The following LARGE1 variants were observed in gnomAD, a reference collection of about 807,000 sequenced individuals.
LARGE1 encodes the protein LARGE xylosyl- and glucuronyltransferase 1.
A neutral mutation model predicts 87.6 loss-of-function variants in LARGE1; 43 were observed. The ratio of observed to expected loss-of-function variants is 0.49; its 90% CI spans 0.38 to 0.63. The LOEUF (loss-of-function observed/expected upper bound fraction) is 0.63, where lower values mean the gene tolerates loss of function less well. LARGE1 is among the 30% of genes least tolerant of loss of function. LARGE1 has a pLI of 0.00. For missense variants in LARGE1, 802 were observed against 1,000.2 expected (o/e 0.80, Z 2.67); for synonymous variants, 434 against 394.6 (o/e 1.10, Z -1.18).
rs987732719 is a variant in LARGE1, at chr22:33,626,252, C to T, written c.483G>A (p.Leu161=). Residue 161 remains leucine, a synonymous_variant, in exon 4 of 15, where the codon CTG becomes CTA. Coordinates refer to ENST00000397394, the MANE Select transcript of LARGE1 (RefSeq NM_133642.5). The part of the protein sequence containing the change: ...RDVVTLVKSV[L]FHRRNPLHFH... ...ACAGAAGTTGTTCTTACCTATGGAA[C>T]AGGACGGATTTGACCAGGGTGACGA... 1.2e-6 allele frequency: 2 copies of T among 1,613,952 alleles called. No homozygotes were observed. Among genetic ancestry groups the T allele is most frequent in the Admixed American group, 1.7e-5 (1 of 60,022 alleles).
At chr22:33,755,003 T>C (rs1343940456) in intron 2 of LARGE1, among the ~76,000 whole-genome samples, 1 of 152,176 alleles carries the variant, frequency 6.6e-6, no homozygotes, top group African/African-American at 2.4e-5. Flanking sequence ...ATCCCGCCTA[T>C]TCCACCACAC....
At chr22:33,831,360 C>T (rs1014831079) in intron 1 of LARGE1, among the ~76,000 whole-genome samples, 1 of 152,130 alleles carries the variant, frequency 6.6e-6, no homozygotes, top group African/African-American at 2.4e-5. Context: ...CATACATGCA[C>T]CCCCCCTCTG....
chr22:33,614,909 G>A (rs2079540023), intron 4 of LARGE1, among the ~76,000 whole-genome samples: 1 of 152,136 alleles, frequency 6.6e-6, no homozygotes, highest in South Asian at 2.1e-4. Context: ...GCAGTTCCAG[G>A]GTTGAGCATG....
intron 2 of LARGE1, among the ~76,000 whole-genome samples, chr22:33,683,336 T>C (rs943240790): frequency 1.1e-4 from 16 of 152,230 alleles, no homozygotes; most frequent in African/African-American, 3.6e-4. Context: ...GACACTGGTC[T>C]TTTCTTGCCT....
chr22:33,087,239 G>T, the LARGE1 span, among the ~76,000 whole-genome samples: 1 of 151,536 alleles, frequency 6.6e-6, no homozygotes. Context: ...GAAAAAATTT[G>T]TCCATATTTA....
intron 2 of LARGE1, among the ~76,000 whole-genome samples, chr22:33,691,632 G>A (rs1371297066): frequency 6.6e-6 from 1 of 152,164 alleles, no homozygotes; most frequent in Non-Finnish European, 1.5e-5. Flanking sequence ...AATCTGCTAA[G>A]CCCCATTAAT....
chr22:33,614,197 T>C (rs2149025215), intron 4 of LARGE1, among the ~76,000 whole-genome samples: 1 of 152,324 alleles, frequency 6.6e-6, no homozygotes, highest in East Asian at 1.9e-4. Context: ...CAATAGCTCC[T>C]ACCTTACAGT....
chr22:33,130,313 CAAA>C, the LARGE1 span, among the ~76,000 whole-genome samples: 12 of 57,004 alleles, frequency 2.1e-4, no homozygotes, highest in African/African-American at 6.0e-4. Flanking sequence ...GATTCCGTCT[CAAA>C]AAAAAAAAAA....
chr22:33,656,082 TGTAC>T (rs1033514037), intron 2 of LARGE1, among the ~76,000 whole-genome samples: 1 of 151,926 alleles, frequency 6.6e-6, no homozygotes, highest in African/African-American at 2.4e-5. Flanking sequence ...TGTGTGTGTG[TGTAC>T]ACACACAAAT....
At chr22:33,850,569 G>C (rs1424618978) in intron 1 of LARGE1, among the ~76,000 whole-genome samples, 1 of 152,160 alleles carries the variant, frequency 6.6e-6, no homozygotes, top group Non-Finnish European at 1.5e-5. Flanking sequence ...ATAAATGACA[G>C]ACAGTCGTAT....
intron 3 of LARGE1, among the ~76,000 whole-genome samples, chr22:33,629,665 G>T (rs2080040982): frequency 6.6e-6 from 1 of 152,196 alleles, no homozygotes; most frequent in African/African-American, 2.4e-5. Context: ...ATCCTTGAAA[G>T]AATGGGGTCA....
intron 6 of LARGE1, among the ~76,000 whole-genome samples, chr22:33,447,111 C>T (rs1336310787): frequency 1.3e-5 from 2 of 152,288 alleles, no homozygotes; most frequent in East Asian, 3.9e-4. Flanking sequence ...CCAGGCTGGT[C>T]TTGAACTCCT....
intron 9 of LARGE1, among the ~76,000 whole-genome samples, chr22:33,350,963 TCTTC>T (rs1416823653): frequency 6.6e-6 from 1 of 152,210 alleles, no homozygotes; most frequent in African/African-American, 2.4e-5. Flanking sequence ...GGGGCTTCTC[TCTTC>T]AATTTGGGTT....
intron 6 of LARGE1, among the ~76,000 whole-genome samples, chr22:33,562,553 G>C (rs1049758464): frequency 1.3e-5 from 2 of 152,168 alleles, no homozygotes; most frequent in Admixed American, 6.5e-5. Flanking sequence ...TCCCTGTCCT[G>C]ACCTTGGCCC....
chr22:33,205,789 T>C (rs995528242), intron 11 of LARGE1, among the ~76,000 whole-genome samples: 1 of 152,142 alleles, frequency 6.6e-6, no homozygotes, highest in Non-Finnish European at 1.5e-5. Context: ...GACTTTGTTG[T>C]TTTTTTCCGA....
intron 4 of LARGE1, among the ~76,000 whole-genome samples, chr22:33,610,983 G>A (rs141984515): frequency 3.3e-5 from 5 of 152,242 alleles, no homozygotes; most frequent in Admixed American, 6.5e-5. Context: ...TGTTAAGCCT[G>A]TCAGGACGGA....
chr22:33,633,930 T>C (rs1050456535), intron 3 of LARGE1, among the ~76,000 whole-genome samples: 1 of 152,130 alleles, frequency 6.6e-6, no homozygotes, highest in East Asian at 1.9e-4. Context: ...GAGACCTCGA[T>C]TGGAGCCACA....
chr22:33,813,254 G>GAA (rs5845112), intron 1 of LARGE1, among the ~76,000 whole-genome samples: 16 of 114,490 alleles, frequency 1.4e-4, no homozygotes, highest in Non-Finnish European at 1.8e-4. Context: ...TCCGTCTCAA[G>GAA]AAAAAAAAAA....
chr22:33,071,367 T>C, the LARGE1 span, among the ~76,000 whole-genome samples: 1 of 152,158 alleles, frequency 6.6e-6, no homozygotes, highest in Admixed American at 6.5e-5. Flanking sequence ...GTGGATTCAG[T>C]AGGTAGGAGA....
Sources: gnomAD v4.1 joint callset for allele counts (sites outside exome capture counted in the v4.1 genomes callset) on GRCh38, gnomAD v4.1.1 for gene constraint, MANE v1.5 for transcripts, NCBI Gene and HGNC (gene_info 2026-07-23, HGNC 2026-07-21) for gene names.